The following TRPM4 variants were observed in gnomAD, a reference collection of about 807,000 sequenced individuals.
TRPM4 encodes calcium-activated non-selective cation channel 1.
Under a neutral mutation model 135.6 loss-of-function variants are expected in TRPM4, and 124 were observed. That is an observed-to-expected ratio of 0.91 (90% CI 0.79 to 1.06). TRPM4 has a LOEUF of 1.06. Ranked by LOEUF, TRPM4 falls within the 50% of genes least tolerant of loss-of-function variation. The pLI is 0.00. For missense variants in TRPM4, 1,658 were observed against 1,671.4 expected, an observed-to-expected ratio of 0.99 and a Z score of 0.14; for synonymous variants, 745 against 705.6, an observed-to-expected ratio of 1.06 and a Z score of -0.88.
In TRPM4 at chr19:49,171,700, G is replaced by A; in HGVS notation, c.981G>A (p.Arg327=). The A allele has an allele frequency of 6.2e-7, 1 of 1,613,972 alleles. No individual in the cohort carries two copies. The highest frequency in any genetic ancestry group is 1.1e-5 in the South Asian group (1 of 91,086). Residue 327 remains arginine, a synonymous_variant, in exon 8 of 25, where the codon AGG becomes AGA. Coordinates refer to ENST00000252826, the MANE Select transcript of TRPM4 (RefSeq NM_017636.4). The surrounding 1 kb of genome is among the most constrained non-coding windows in gnomAD (Gnocchi z 4.7). The part of the protein sequence containing the change: ...DTLAPGSGGA[R]QGEARDRIRR... ...TGGCCCCAGGGAGTGGGGGAGCCAGGCAAGGCGAAGCCCGAGATCGAATCA... is the reference window on the plus strand; with the variant it reads ...TGGCCCCAGGGAGTGGGGGAGCCAGACAAGGCGAAGCCCGAGATCGAATCA...
In TRPM4 at chr19:49,211,082, C is replaced by T. The variant is rs145109683; in HGVS notation, c.3529C>T (p.Arg1177Trp). The T allele has an allele frequency of 1.9e-6, 3 of 1,613,994 alleles. No homozygotes were observed. Among genetic ancestry groups the T allele is most frequent in the South Asian group, 2.2e-5 (2 of 91,050 alleles). Residue 1177 changes from arginine to tryptophan, a missense_variant, in exon 23 of 25, where the codon CGG becomes TGG. Arg to Trp is a moderately radical substitution (Grantham distance 101, BLOSUM62 -3). This residue lies in a region of TRPM4 where 1,412 missense variants were observed against 1,408.7 expected (regional missense o/e 1.00). Transcript: ENST00000252826. The surrounding 1 kb of genome is among the most constrained non-coding windows in gnomAD (Gnocchi z 4.8). ...CGAACAGCGCCTGAAAGTGCTGGAG[C>T]GGGAGGTGAGGCCTTGGGGCCTGGC... ...EYEQRLKVLE[R>W]EVQQCSRVLG...
chr19:49,162,720 CAG>C (rs1462079276), intron 2 of TRPM4, among the ~76,000 whole-genome samples: 1 of 152,082 alleles, frequency 6.6e-6, no homozygotes, highest in Non-Finnish European at 1.5e-5. Flanking sequence ...GTCCTGGCCA[CAG>C]GGGGCTACTG....
At chr19:49,162,631 A>G (rs1428992514) in intron 2 of TRPM4, among the ~76,000 whole-genome samples, 1 of 151,104 alleles carries the variant, frequency 6.6e-6, no homozygotes, top group African/African-American at 2.4e-5. Context: ...CAAGCTGTGC[A>G]GAAGGAATGG....
intron 2 of TRPM4, among the ~76,000 whole-genome samples, chr19:49,160,781 G>C (rs372057181): frequency 6.6e-6 from 1 of 152,098 alleles, no homozygotes; most frequent in African/African-American, 2.4e-5. Flanking sequence ...CAGGAGCTCG[G>C]GAGGAGGCTG....
chr19:49,208,787 A>C (rs1014650591), intron 20 of TRPM4, among the ~76,000 whole-genome samples: 1 of 151,966 alleles, frequency 6.6e-6, no homozygotes, highest in Non-Finnish European at 1.5e-5. Flanking sequence ...GTGAAACCCC[A>C]TCTTTACTAA....
At chr19:49,195,778 T>G (rs1968610431) in intron 16 of TRPM4, among the ~76,000 whole-genome samples, 1 of 151,120 alleles carries the variant, frequency 6.6e-6, no homozygotes, top group Non-Finnish European at 1.5e-5. Context: ...GGGCCTCCTG[T>G]ACTCAAGTGA....
chr19:49,168,764 C>T (rs1157247385), intron 6 of TRPM4, 28 bp downstream of exon 6: 2 of 1,567,252 alleles, frequency 1.3e-6, no homozygotes, highest in Non-Finnish European at 1.7e-6. Flanking sequence ...TGACCCACAA[C>T]CCACGACCCA....
At chr19:49,163,281 C>G (rs762723493) in intron 2 of TRPM4, among the ~76,000 whole-genome samples, 1 of 151,494 alleles carries the variant, frequency 6.6e-6, no homozygotes, top group Admixed American at 6.6e-5. Context: ...TCACAACCTC[C>G]GTCTCCCAGG....
At chr19:49,193,784 C>T (rs1968503580) in intron 16 of TRPM4, among the ~76,000 whole-genome samples, 1 of 152,142 alleles carries the variant, frequency 6.6e-6, no homozygotes, top group Non-Finnish European at 1.5e-5. Context: ...GCTTGCTGTC[C>T]TCTCTGCATC....
chr19:49,177,778 G>T (rs949085622), intron 9 of TRPM4, among the ~76,000 whole-genome samples: 3 of 152,182 alleles, frequency 2.0e-5, no homozygotes, highest in East Asian at 1.9e-4. Flanking sequence ...AAAATGGCTT[G>T]CCCAGGGTCA....
intron 16 of TRPM4, among the ~76,000 whole-genome samples, chr19:49,194,542 G>A (rs1968550796): frequency 6.6e-6 from 1 of 151,872 alleles, no homozygotes; most frequent in African/African-American, 2.4e-5. Context: ...ACTGCGCTTG[G>A]CCTCACTTAT....
chr19:49,186,397 C>G (rs1231447739), intron 12 of TRPM4, among the ~76,000 whole-genome samples: 1 of 152,180 alleles, frequency 6.6e-6, no homozygotes, highest in Non-Finnish European at 1.5e-5. Flanking sequence ...ACGCCTCTAG[C>G]CCTAGTCATG....
At chr19:49,189,194 C>A in intron 14 of TRPM4, 103 bp downstream of exon 14, 1 of 1,525,642 alleles carries the variant, frequency 6.6e-7, no homozygotes, top group Non-Finnish European at 9.0e-7. Context: ...CTTGACCAGC[C>A]ACTCTCCCTG....
Position 49,183,176 on chromosome 19 carries a change from G to C in TRPM4, c.1707G>C (p.Leu569=). 6.2e-7 allele frequency: 1 copy of C among 1,614,148 alleles called. No individual in the cohort carries two copies. Among genetic ancestry groups the C allele is most frequent in the Non-Finnish European group, 8.5e-7 (1 of 1,180,030 alleles). The change falls in exon 12 of 25, where the codon CTG becomes CTC. Residue 569 remains leucine (L), a synonymous_variant. Transcript: ENST00000252826. ...ACCTGCTTCTTTGGGCACTGTTGCT[G>C]AACAGGGCACAGATGGCCATGTACT... ...WSDLLLWALL[L]NRAQMAMYFW...
At chr19:49,163,204 T>TA (rs1967035391) in intron 2 of TRPM4, among the ~76,000 whole-genome samples, 1 of 150,404 alleles carries the variant, frequency 6.6e-6, no homozygotes, top group African/African-American at 2.4e-5. Flanking sequence ...TATTATTTTT[T>TA]TTTTTTTTTG....
chr19:49,210,582 C>G lies in TRPM4; in HGVS notation c.3329-128C>G. 6.7e-7 allele frequency: 1 copy of G among 1,482,470 alleles called. No individual in the cohort carries two copies. The highest frequency in any genetic ancestry group is 9.3e-7 in the Non-Finnish European group (1 of 1,074,496). 91.8% of individuals were successfully genotyped at this position (1,482,470 alleles called of 1,614,324 possible). A position where few individuals can be genotyped will look rare whatever the true frequency, so the allele number is the denominator to read the frequency against. ...AGGGGCAGTGCTTACGGGTGAGGGG[C>G]GGGGCATGTTCTCGAATCACCAGGG... On this transcript the variant is annotated intron_variant, in intron 21 of 24. Coordinates refer to ENST00000252826, the MANE Select transcript of TRPM4 (RefSeq NM_017636.4). The surrounding 1 kb of genome is among the most constrained non-coding windows in gnomAD (Gnocchi z 4.1).
At chr19:49,172,369 G>A (rs1422024889) in intron 9 of TRPM4, among the ~76,000 whole-genome samples, 1 of 151,926 alleles carries the variant, frequency 6.6e-6, no homozygotes, top group Non-Finnish European at 1.5e-5. Flanking sequence ...TGTACAGATC[G>A]ATCTTTCCAT....
Position 49,210,782 on chromosome 19 carries a change from T to A in TRPM4, c.3401T>A (p.Leu1134Gln). The change falls in exon 22 of 25, where the codon CTG (leucine) becomes CAG (glutamine). Residue 1134 changes from leucine (L) to glutamine (Q), a missense_variant. Coordinates refer to ENST00000252826, the MANE Select transcript of TRPM4 (RefSeq NM_017636.4). This position sits in a 1 kb window ranked among gnomAD's most constrained non-coding sequence, Gnocchi z 4.1. ...WESVHKENFL[L>Q]ARARDKRESD... Reference sequence around the variant, plus strand: ...TCGGTGCATAAGGAGAACTTTCTGCTGGCACGCGCTAGGGACAAGCGGGAG... The same window carrying A: ...TCGGTGCATAAGGAGAACTTTCTGCAGGCACGCGCTAGGGACAAGCGGGAG... 1 of 1,613,998 alleles carries A rather than the reference T, an allele frequency of 6.2e-7. No homozygotes were observed. Among genetic ancestry groups the A allele is most frequent in the Non-Finnish European group, 8.5e-7 (1 of 1,180,022 alleles).
rs750357331 is a variant in TRPM4 at position 49,171,811 on chromosome 19, G to A, written c.1050+42G>A. 2.6e-5 allele frequency: 42 copies of A among 1,589,280 alleles called. No individual in the cohort carries two copies. The African/African-American group carries it at 5.1e-4, about 19-fold the overall frequency. ...CCAACTCTGGATCCTGAGATGGGAG[G>A]GAACTGGGGACTTGGGCTCCTGGGT... is the stretch of plus-strand genomic sequence containing the variant. On this transcript the variant is annotated intron_variant, in intron 8 of 24. Transcript: ENST00000252826. The surrounding 1 kb of genome is among the most constrained non-coding windows in gnomAD (Gnocchi z 4.7).
Sources: allele counts gnomAD v4.1 joint callset (sites outside exome capture counted in the v4.1 genomes callset), GRCh38; gene constraint gnomAD v4.1.1; regional missense constraint gnomAD v4.1.1; non-coding constraint Gnocchi (gnomAD v3.1); transcripts MANE v1.5; gene names NCBI Gene and HGNC (gene_info 2026-07-23, HGNC 2026-07-21).